TCF4: variants seen among roughly 807,000 people sequenced by gnomAD.
The protein encoded by TCF4 is transcription factor 4, also known as SL3-3 enhancer factor 2.
TCF4 carries 3 observed loss-of-function variants against 82.1 expected under a neutral mutation model. The observed-to-expected ratio is 0.04, with a 90% confidence interval of 0.02 to 0.09. The LOEUF is 0.09. Among genes scored for constraint, TCF4 ranks in the 10% least tolerant of loss-of-function variants. TCF4 has a pLI of 1.00. For synonymous variants in TCF4, 276 were observed against 309.6 expected, an observed-to-expected ratio of 0.89 and a Z score of 1.14; for missense variants, 518 against 852.7, an observed-to-expected ratio of 0.61 and a Z score of 4.89.
At chr18:55,480,199 T>C (rs76479543) in intron 3 of TCF4, among the ~76,000 whole-genome samples, 2,376 of 144,406 alleles carry the variant, frequency 0.016, 70 homozygotes, top group African/African-American at 0.058. Context: ...TGACCGTATT[T>C]ACCCTCCAGT....
At chr18:55,229,508 C>A in intron 17 of TCF4, 1 of 179,544 alleles carries the variant, frequency 5.6e-6, no homozygotes, top group Non-Finnish European at 1.2e-5. Context: ...ATATATAAAA[C>A]CTTTCATACC....
chr18:55,542,276 T>C (rs1302409749), intron 3 of TCF4, among the ~76,000 whole-genome samples: 1 of 152,036 alleles, frequency 6.6e-6, no homozygotes, highest in Non-Finnish European at 1.5e-5. Flanking sequence ...TGTTGGAATA[T>C]GAATAAATTC....
At chr18:55,378,768 T>C (rs974560762) in intron 6 of TCF4, among the ~76,000 whole-genome samples, 1 of 152,210 alleles carries the variant, frequency 6.6e-6, no homozygotes, top group African/African-American at 2.4e-5. Flanking sequence ...TATTATCAGC[T>C]CTAGAAAAAA....
intron 3 of TCF4, among the ~76,000 whole-genome samples, chr18:55,572,437 A>G (rs2097482336): frequency 6.6e-6 from 1 of 152,164 alleles, no homozygotes; most frequent in Non-Finnish European, 1.5e-5. Context: ...GGGAGGGGAG[A>G]GAGAGAGGTG....
At chr18:55,451,642 G>A (rs925980456) in intron 5 of TCF4, among the ~76,000 whole-genome samples, 3 of 152,218 alleles carry the variant, frequency 2.0e-5, no homozygotes, top group Admixed American at 6.5e-5. Context: ...TTTCAAGGAT[G>A]TGAGGTTCAG....
At chr18:55,576,892 G>C (rs1247562408) in intron 3 of TCF4, among the ~76,000 whole-genome samples, 3 of 151,754 alleles carry the variant, frequency 2.0e-5, no homozygotes, top group African/African-American at 7.2e-5. Flanking sequence ...ACTATCGTTA[G>C]TGTATTTTAT....
chr18:55,229,209 T>G (rs981446244), intron 17 of TCF4, 133 bp from the exon 18 acceptor site: 1 of 943,984 alleles, frequency 1.1e-6, no homozygotes, highest in East Asian at 2.5e-5. Flanking sequence ...AATTTTTATA[T>G]CCACTTGACC....
chr18:55,273,434 T>C (rs975244660), intron 10 of TCF4, among the ~76,000 whole-genome samples: 16 of 152,142 alleles, frequency 1.1e-4, no homozygotes, highest in Non-Finnish European at 1.5e-4. Flanking sequence ...TATAAGGAAC[T>C]ACCATTATTT....
Position 55,229,166 on chromosome 18 carries a change from G to C in TCF4, c.1650-90C>G, listed in dbSNP as rs955828003. The C allele has an allele frequency of 1.2e-4, 182 of 1,480,740 alleles. 1 individual carries two copies. Among genetic ancestry groups the C allele is most frequent in the Non-Finnish European group, 2.4e-5 (26 of 1,068,702 alleles). The allele number at this position is 1,480,740 out of a possible 1,614,324, so 91.7% of individuals were successfully genotyped here. Reference sequence around the variant, plus strand: ...TTTGTTTTCTTCCAGAGTTTTCAGGGAACTTTTCCATCTTATGCCATGTTT... The same window carrying C: ...TTTGTTTTCTTCCAGAGTTTTCAGGCAACTTTTCCATCTTATGCCATGTTT... On this transcript the variant is annotated intron_variant, in intron 17 of 19. Transcript: ENST00000354452.
intron 2 of TCF4, among the ~76,000 whole-genome samples, chr18:55,611,362 A>G (rs1334681005): frequency 6.6e-6 from 1 of 152,192 alleles, no homozygotes; most frequent in Admixed American, 6.5e-5. Context: ...CCACTCTACT[A>G]TGAGTTCATG....
chr18:55,534,698 C>G (rs1028982764), intron 3 of TCF4, among the ~76,000 whole-genome samples: 1 of 152,128 alleles, frequency 6.6e-6, no homozygotes, highest in Non-Finnish European at 1.5e-5. Context: ...GAAAATTCAG[C>G]TTAAAAAAAA....
intron 5 of TCF4, among the ~76,000 whole-genome samples, chr18:55,408,693 T>A (rs1163076548): frequency 6.6e-6 from 1 of 152,094 alleles, no homozygotes; most frequent in Non-Finnish European, 1.5e-5. Flanking sequence ...ATGAGGAAAC[T>A]GAGATCTAGA....
chr18:55,245,680 G>T (rs1433029584), intron 15 of TCF4, among the ~76,000 whole-genome samples: 4 of 152,108 alleles, frequency 2.6e-5, no homozygotes, highest in Non-Finnish European at 5.9e-5. Flanking sequence ...TTATTATATG[G>T]CTCTGAAACG....
Position 55,430,649 on chromosome 18 carries a change from A to T in TCF4, c.305-27131T>A, listed in dbSNP as rs1022810608. Among the ~76,000 whole-genome samples the T allele has an allele frequency of 3.5e-4, 53 of 152,174 alleles. 2 individuals carry two copies. The highest frequency in any genetic ancestry group is 7.3e-5 in the Non-Finnish European group (5 of 68,036). On this transcript the variant is annotated intron_variant, in intron 5 of 19. Transcript: ENST00000354452. ...ACAGAAGCAGAAAGCAGGAAAAAAA[A>T]AAAGAGTAGTGAGCGAAACAGAAGG... is the stretch of plus-strand genomic sequence containing the variant.
chr18:55,348,487 A>G (rs575976130), intron 8 of TCF4, among the ~76,000 whole-genome samples: 1 of 152,110 alleles, frequency 6.6e-6, no homozygotes, highest in African/African-American at 2.4e-5. Flanking sequence ...CCTAATTCCC[A>G]AGTTTTGTTT....
intron 6 of TCF4, among the ~76,000 whole-genome samples, chr18:55,374,008 T>C (rs1175659254): frequency 6.6e-6 from 1 of 151,900 alleles, no homozygotes; most frequent in Non-Finnish European, 1.5e-5. Context: ...ACTGCCAACA[T>C]GAAAAACATT....
chr18:55,320,641 A>G (rs1158661867), intron 8 of TCF4, among the ~76,000 whole-genome samples: 3 of 152,248 alleles, frequency 2.0e-5, no homozygotes, highest in Admixed American at 6.5e-5. Context: ...CCTTCCTGAA[A>G]GCTCTGATCT....
At chr18:55,258,415 G>A (rs939010811) in intron 13 of TCF4, among the ~76,000 whole-genome samples, 7 of 152,028 alleles carry the variant, frequency 4.6e-5, no homozygotes, top group African/African-American at 1.4e-4. Context: ...TACTCAGGTC[G>A]AGGGAATTTG....
At position 55,254,500 on chromosome 18, in the gene TCF4, G is replaced by C; in HGVS notation, c.1347C>G (p.Leu449=). ...GTCTATAAATTTCATCACTTACCATGAGTGAATGTCTGTTGGCTGAAAGAA... is the reference window on the plus strand; with the variant it reads ...GTCTATAAATTTCATCACTTACCATCAGTGAATGTCTGTTGGCTGAAAGAA... The part of the protein sequence containing the change: ...TGLLSANRHS[L]MVGTHREDGV... The change falls in exon 15 of 20, where the codon CTC becomes CTG. Residue 449 remains leucine, a synonymous_variant. Coordinates refer to ENST00000354452, the MANE Select transcript of TCF4 (RefSeq NM_001083962.2). 6.2e-7 allele frequency: 1 copy of C among 1,613,324 alleles called. No individual in the cohort carries two copies. The highest frequency in any genetic ancestry group is 1.3e-5 in the African/African-American group (1 of 74,984).
Sources: allele counts gnomAD v4.1 joint callset (sites outside exome capture counted in the v4.1 genomes callset), GRCh38; gene constraint gnomAD v4.1.1; transcripts MANE v1.5; gene names NCBI Gene and HGNC (gene_info 2026-07-23, HGNC 2026-07-21).